Variants in BNC2 observed in about 807,000 individuals in gnomAD.
BNC2 encodes basonuclin zinc finger protein 2.
BNC2 carries 20 observed loss-of-function variants against 76.3 expected under a neutral mutation model. The ratio of observed to expected loss-of-function variants is 0.26; its 90% confidence interval spans 0.18 to 0.38. The LOEUF (loss-of-function observed/expected upper bound fraction) is 0.38, where lower values mean the gene tolerates loss of function less well. Ranked by LOEUF, BNC2 falls within the 10% of genes least tolerant of loss-of-function variation. The pLI is 1.00. For synonymous variants in BNC2, 582 were observed against 514.8 expected (o/e 1.13, Z -1.77); for missense variants, 1,382 against 1,399.8 (o/e 0.99, Z 0.20).
rs1457125717 is a variant in BNC2, at chr9:16,416,590, G to A, written c.*2399C>T. On this transcript the variant is annotated 3_prime_UTR_variant, in exon 7 of 7. Transcript: ENST00000380672. ...AAAAACGATTATTACTAATTCCTCAGCTTTTTACCATAAACACTTGTCATT... is the reference window on the plus strand; with the variant it reads ...AAAAACGATTATTACTAATTCCTCAACTTTTTACCATAAACACTTGTCATT... 6.6e-6 allele frequency: 1 copy of A among 152,572 alleles called. No homozygotes were observed. Among genetic ancestry groups the A allele is most frequent in the Non-Finnish European group, 1.5e-5 (1 of 68,042 alleles). The allele number at this position is 152,572 out of a possible 1,614,324, so 9.5% of individuals were successfully genotyped here. A position where few individuals can be genotyped will look rare whatever the true frequency, so the allele number is the denominator to read the frequency against.
At chr9:16,479,269 GAAAAGA>G (rs896467070) in intron 5 of BNC2, among the ~76,000 whole-genome samples, 9 of 145,836 alleles carry the variant, frequency 6.2e-5, no homozygotes, top group South Asian at 2.2e-4. Context: ...AAAAAGAAAA[GAAAAGA>G]AAAAGAAAAA....
At chr9:16,713,042 G>A (rs1427809993) in intron 3 of BNC2, among the ~76,000 whole-genome samples, 1 of 152,224 alleles carries the variant, frequency 6.6e-6, no homozygotes, top group African/African-American at 2.4e-5. Flanking sequence ...TGTACCGTAA[G>A]ATCAGGCTGA....
chr9:16,630,536 T>C (rs548797659), intron 3 of BNC2, among the ~76,000 whole-genome samples: 11 of 152,336 alleles, frequency 7.2e-5, no homozygotes, highest in African/African-American at 2.6e-4. Flanking sequence ...GAAGGAACTA[T>C]TGGCGATGCT....
chr9:16,690,821 T>A (rs920459425), intron 3 of BNC2, among the ~76,000 whole-genome samples: 24 of 151,954 alleles, frequency 1.6e-4, no homozygotes, highest in African/African-American at 5.8e-4. Context: ...ATGCAACAGG[T>A]TGAAAGACAC....
At chr9:16,861,543 C>G (rs1453833032) in intron 1 of BNC2, among the ~76,000 whole-genome samples, 2 of 151,998 alleles carry the variant, frequency 1.3e-5, no homozygotes, top group African/African-American at 4.8e-5. Context: ...AGAAAAGATA[C>G]ACAAATGGCC....
In BNC2 at chr9:16,855,630, C is replaced by T. The variant is rs71513270; in HGVS notation, c.3+15016G>A. Among the ~76,000 whole-genome samples the T allele has an allele frequency of 5.8e-3, 887 of 152,246 alleles. 3 individuals are homozygous for T. Among genetic ancestry groups the T allele is most frequent in the Admixed American group, 7.8e-3 (119 of 15,290 alleles). On this transcript the variant is annotated intron_variant, in intron 1 of 6. Coordinates refer to ENST00000380672, the MANE Select transcript of BNC2 (RefSeq NM_017637.6). ...TCGGCTCACTGCAACCTCCACCTCC[C>T]GGGTTCACGCCATTCTCCTGCCTCA...
chr9:16,860,349 T>C (rs1819366683), intron 1 of BNC2, among the ~76,000 whole-genome samples: 2 of 152,086 alleles, frequency 1.3e-5, no homozygotes, highest in African/African-American at 2.4e-5. Context: ...GAAAGATCAA[T>C]GGAATAGAAC....
chr9:16,864,877 A>G (rs577968488), intron 1 of BNC2, among the ~76,000 whole-genome samples: 1 of 152,190 alleles, frequency 6.6e-6, no homozygotes, highest in South Asian at 2.1e-4. Flanking sequence ...ATAGTTGACA[A>G]GAGGTACAAT....
intron 1 of BNC2, among the ~76,000 whole-genome samples, chr9:16,810,822 C>T (rs1818029598): frequency 6.6e-6 from 1 of 152,196 alleles, no homozygotes; most frequent in African/African-American, 2.4e-5. Context: ...CTAGACCCTC[C>T]AGTTGCTAGA....
intron 5 of BNC2, among the ~76,000 whole-genome samples, chr9:16,483,293 T>G (rs1216679022): frequency 6.6e-6 from 1 of 152,224 alleles, no homozygotes; most frequent in Non-Finnish European, 1.5e-5. Flanking sequence ...CTGACCATAT[T>G]TCATTTCCTT....
At chr9:16,506,845 G>C (rs1822639655) in intron 5 of BNC2, among the ~76,000 whole-genome samples, 1 of 145,222 alleles carries the variant, frequency 6.9e-6, no homozygotes, top group African/African-American at 2.6e-5. Flanking sequence ...TCTGCCTCCT[G>C]GGTTCAAGTG....
chr9:16,809,351 AT>A (rs920685686), intron 1 of BNC2, among the ~76,000 whole-genome samples: 8 of 151,232 alleles, frequency 5.3e-5, no homozygotes, highest in Admixed American at 1.3e-4. Context: ...AGAAAGCTCA[AT>A]TTTTTTTTAT....
At chr9:16,684,747 A>G (rs548508307) in intron 3 of BNC2, among the ~76,000 whole-genome samples, 25 of 152,268 alleles carry the variant, frequency 1.6e-4, no homozygotes, top group African/African-American at 5.3e-4. Flanking sequence ...TTGCATTGGC[A>G]CACACATTCC....
At chr9:16,471,078 G>A (rs1424524853) in intron 5 of BNC2, among the ~76,000 whole-genome samples, 1 of 152,152 alleles carries the variant, frequency 6.6e-6, no homozygotes, top group Non-Finnish European at 1.5e-5. Context: ...CAAGACCATG[G>A]GAACCCACCT....
At chr9:16,653,149 G>C (rs1821837942) in intron 3 of BNC2, among the ~76,000 whole-genome samples, 1 of 152,128 alleles carries the variant, frequency 6.6e-6, no homozygotes, top group Non-Finnish European at 1.5e-5. Flanking sequence ...TGAATTTTAA[G>C]ACTATAAAGA....
intron 3 of BNC2, among the ~76,000 whole-genome samples, chr9:16,713,672 G>T (rs1042733548): frequency 1.1e-4 from 17 of 152,046 alleles, no homozygotes; most frequent in African/African-American, 4.1e-4. Flanking sequence ...AGGGTATTTA[G>T]AATGGAAGGC....
chr9:16,812,238 T>C (rs750877963), intron 1 of BNC2, among the ~76,000 whole-genome samples: 1 of 152,226 alleles, frequency 6.6e-6, no homozygotes, highest in Non-Finnish European at 1.5e-5. Context: ...GCTCTGGGCT[T>C]GGAGGTTGGT....
chr9:16,788,335 T>C (rs74645810), intron 1 of BNC2, among the ~76,000 whole-genome samples: 92,925 of 150,800 alleles, frequency 0.62, 29,271 homozygotes, highest in Non-Finnish European at 0.69. Context: ...GGGCAGATCA[T>C]GAAGTCAGGA....
intron 3 of BNC2, among the ~76,000 whole-genome samples, chr9:16,718,955 C>T (rs1015288261): frequency 6.6e-6 from 1 of 152,172 alleles, no homozygotes; most frequent in Non-Finnish European, 1.5e-5. Context: ...ACTTTCAAGA[C>T]AGTAAGTCCT....
Sources: gnomAD v4.1 joint callset for allele counts (sites outside exome capture counted in the v4.1 genomes callset) on GRCh38, gnomAD v4.1.1 for gene constraint, MANE v1.5 for transcripts, NCBI Gene and HGNC (gene_info 2026-07-23, HGNC 2026-07-21) for gene names.